Variants in HS6ST2 observed in about 807,000 individuals in gnomAD.
HS6ST2 encodes the protein heparan-sulfate 6-O-sulfotransferase 2.
HS6ST2 carries 17 observed loss-of-function variants against 33.0 expected under a neutral mutation model. The ratio of observed to expected loss-of-function variants is 0.52; its 90% confidence interval spans 0.35 to 0.77. The LOEUF is 0.77. Among genes scored for constraint, HS6ST2 ranks in the 30% least tolerant of loss-of-function variants. The probability of loss-of-function intolerance (pLI) is 0.01; values close to 1 mark genes in which losing one functional copy is unlikely to be tolerated. For synonymous variants in HS6ST2, 248 were observed against 237.1 expected, an observed-to-expected ratio of 1.05 and a Z score of -0.42; for missense variants, 519 against 551.7, an observed-to-expected ratio of 0.94 and a Z score of 0.59.
chrX:132,913,464 C>A (rs1237038803), intron 2 of HS6ST2, among the ~76,000 whole-genome samples: 1 of 112,699 alleles, frequency 8.9e-6, no homozygotes, highest in Non-Finnish European at 1.9e-5. Flanking sequence ...TGTTCAGATG[C>A]CACTGTGTTC....
At chrX:132,632,287 G>A (rs1225272047) in intron 4 of HS6ST2, among the ~76,000 whole-genome samples, 1 of 111,344 alleles carries the variant, frequency 9.0e-6, no homozygotes, top group East Asian at 2.8e-4. Context: ...ATGCTGCTTA[G>A]AAATATTCCA....
chrX:132,934,545 T>C (rs968895646), intron 2 of HS6ST2, among the ~76,000 whole-genome samples: 9 of 111,937 alleles, frequency 8.0e-5, no homozygotes, highest in African/African-American at 2.9e-4. Context: ...TAAGTTACTA[T>C]AAATATGAAG....
At chrX:132,703,739 A>C (rs2064164595) in intron 3 of HS6ST2, among the ~76,000 whole-genome samples, 1 of 112,292 alleles carries the variant, frequency 8.9e-6, no homozygotes, top group South Asian at 3.7e-4. Flanking sequence ...TTCAATATTT[A>C]CTAAATTTAA....
intron 2 of HS6ST2, among the ~76,000 whole-genome samples, chrX:132,935,190 T>G (rs1285224507): frequency 0.024 from 3 of 124 alleles, no homozygotes; most frequent in Non-Finnish European, 0.05. Context: ...ATTTAAATAA[T>G]GGTGGAACAA....
At chrX:132,658,214 G>T (rs1021429554) in intron 4 of HS6ST2, among the ~76,000 whole-genome samples, 2 of 111,278 alleles carry the variant, frequency 1.8e-5, no homozygotes, top group Middle Eastern at 4.2e-3. Flanking sequence ...TCAATATTTG[G>T]GTATGGGCAA....
At chrX:132,873,607 C>G (rs1039299291) in intron 2 of HS6ST2, among the ~76,000 whole-genome samples, 10 of 111,764 alleles carry the variant, frequency 8.9e-5, no homozygotes, top group African/African-American at 3.3e-4. Flanking sequence ...TCTTAGGAAG[C>G]TCATAGTTTG....
intron 2 of HS6ST2, among the ~76,000 whole-genome samples, chrX:132,810,767 C>T (rs2065333184): frequency 8.9e-6 from 1 of 112,123 alleles, no homozygotes; most frequent in Admixed American, 9.5e-5. Flanking sequence ...AAAAACAAGC[C>T]TGGGCTGATG....
At chrX:132,877,069 G>A (rs2066114238) in intron 2 of HS6ST2, among the ~76,000 whole-genome samples, 2 of 111,992 alleles carry the variant, frequency 1.8e-5, no homozygotes, top group African/African-American at 6.5e-5. Flanking sequence ...AACTAACAAG[G>A]CTACACTTTT....
chrX:132,648,079 T>C (rs968757327), intron 4 of HS6ST2, among the ~76,000 whole-genome samples: 2 of 112,373 alleles, frequency 1.8e-5, no homozygotes, highest in African/African-American at 6.5e-5. Flanking sequence ...TGACACATAA[T>C]ATAAGGTCAG....
chrX:132,788,468 C>T (rs936746267), intron 2 of HS6ST2, among the ~76,000 whole-genome samples: 1 of 111,399 alleles, frequency 9.0e-6, no homozygotes, highest in African/African-American at 3.3e-5. Flanking sequence ...CCTTGGGCCT[C>T]GCTATTTCCT....
chrX:132,796,595 A>G (rs889976270), intron 2 of HS6ST2, among the ~76,000 whole-genome samples: 3 of 112,597 alleles, frequency 2.7e-5, no homozygotes, highest in African/African-American at 6.5e-5. Context: ...TAGCTTTCAA[A>G]TAAGCAAAGG....
At chrX:132,799,161 G>A (rs750510275) in intron 2 of HS6ST2, among the ~76,000 whole-genome samples, 1 of 110,667 alleles carries the variant, frequency 9.0e-6, no homozygotes, top group African/African-American at 3.3e-5. Flanking sequence ...GAAACTGATG[G>A]TTAAACTTTG....
intron 4 of HS6ST2, among the ~76,000 whole-genome samples, chrX:132,654,789 C>T (rs1490372918): frequency 8.9e-6 from 1 of 111,754 alleles, no homozygotes; most frequent in East Asian, 2.8e-4. Flanking sequence ...ACACTGAGAG[C>T]TCATTTTGTA....
intron 2 of HS6ST2, among the ~76,000 whole-genome samples, chrX:132,749,291 C>G (rs1483110166): frequency 8.9e-6 from 1 of 112,674 alleles, no homozygotes; most frequent in African/African-American, 3.2e-5. Context: ...AATATTGGAA[C>G]AATTAGCCTT....
intron 3 of HS6ST2, among the ~76,000 whole-genome samples, chrX:132,691,534 T>C (rs766688968): frequency 1.5e-3 from 169 of 112,039 alleles, no homozygotes; most frequent in African/African-American, 5.3e-3. Context: ...TAAAATTTGT[T>C]ACTATTTATT....
intron 2 of HS6ST2, among the ~76,000 whole-genome samples, chrX:132,804,720 G>C (rs2065265243): frequency 9.0e-6 from 1 of 111,296 alleles, no homozygotes; most frequent in Admixed American, 9.6e-5. Flanking sequence ...GATTGCTTGA[G>C]CCCGGGAGGT....
chrX:132,752,750 C>G (rs12689919), intron 2 of HS6ST2, among the ~76,000 whole-genome samples: 15,275 of 111,930 alleles, frequency 0.14, 887 homozygotes, highest in East Asian at 0.29. Context: ...ACCCAGCTTT[C>G]TGCTCCAGGC....
intron 3 of HS6ST2, among the ~76,000 whole-genome samples, chrX:132,681,696 C>T (rs2063972715): frequency 8.9e-6 from 1 of 112,139 alleles, no homozygotes; most frequent in Admixed American, 9.4e-5. Flanking sequence ...CTTCCAAAAG[C>T]CTGTGCTTCC....
chrX:132,870,416 A>G lies in HS6ST2; in HGVS notation c.947+86392T>C, dbSNP rs761603370. Among the ~76,000 whole-genome samples the G allele has an allele frequency of 2.7e-5, 3 of 112,114 alleles. No individual in the cohort carries two copies. The Admixed American group carries it at 2.8e-4, about 11-fold the overall frequency. ...TTTCTTCACAGAATTGGAAAAAACT[A>G]CTTTCAAGTTCATATGGAACAAAAA... On this transcript the variant is annotated intron_variant, in intron 2 of 4. Transcript: ENST00000370833.
Sources: gnomAD v4.1 joint callset for allele counts (sites outside exome capture counted in the v4.1 genomes callset) on GRCh38, gnomAD v4.1.1 for gene constraint, MANE v1.5 for transcripts, NCBI Gene and HGNC (gene_info 2026-07-23, HGNC 2026-07-21) for gene names.